Variants in VAV3 observed in about 807,000 individuals in gnomAD.
The protein encoded by VAV3 is vav guanine nucleotide exchange factor 3, also known as guanine nucleotide exchange factor VAV3.
Under a neutral mutation model 131.2 loss-of-function variants are expected in VAV3, and 94 were observed. That is an observed-to-expected ratio of 0.72 (90% CI 0.61 to 0.85). The LOEUF (loss-of-function observed/expected upper bound fraction) is 0.85. Ranked by LOEUF, VAV3 falls within the 40% of genes least tolerant of loss-of-function variation. VAV3 has a pLI of 0.00. For missense variants in VAV3, 939 were observed against 1,002.7 expected, an observed-to-expected ratio of 0.94 and a Z score of 0.86; for synonymous variants, 349 against 342.0, an observed-to-expected ratio of 1.02 and a Z score of -0.22.
chr1:107,906,571 C>T (rs182615837), intron 1 of VAV3, among the ~76,000 whole-genome samples: 12 of 152,126 alleles, frequency 7.9e-5, no homozygotes, highest in African/African-American at 1.4e-4. Flanking sequence ...GAGGCTGAGG[C>T]GGGAGAATGG....
At chr1:107,652,391 C>T (rs996629281) in intron 19 of VAV3, among the ~76,000 whole-genome samples, 9 of 152,144 alleles carry the variant, frequency 5.9e-5, no homozygotes, top group East Asian at 1.9e-4. Flanking sequence ...CCTGGGGCTG[C>T]GCTGTCTATG....
chr1:107,574,060 TCTC>T lies in VAV3; in HGVS notation c.2486_2488del (p.Gly829del), dbSNP rs758563040. On this transcript the variant is annotated inframe_deletion, in exon 26 of 27. Coordinates refer to ENST00000370056, the MANE Select transcript of VAV3 (RefSeq NM_006113.5). ...GGGCCAACTTACCCTGCCATTTACT[TCTC>T]CTCTCCACCAGCCATTTGCACTCAT... 4 of 1,614,032 alleles carry T rather than the reference TCTC, an allele frequency of 2.5e-6. No individual in the cohort carries two copies. The highest frequency in any genetic ancestry group is 2.2e-5 in the East Asian group (1 of 44,878).
At chr1:107,849,250 A>G (rs1233677497) in intron 2 of VAV3, among the ~76,000 whole-genome samples, 2 of 152,120 alleles carry the variant, frequency 1.3e-5, no homozygotes, top group Non-Finnish European at 1.5e-5. Context: ...ACCAAAAAAA[A>G]AAAAAAGTCT....
chr1:107,936,756 A>G (rs1673729764), intron 1 of VAV3, among the ~76,000 whole-genome samples: 1 of 152,164 alleles, frequency 6.6e-6, no homozygotes, highest in Admixed American at 6.5e-5. Context: ...AGTTGTCAGG[A>G]CCATAAGGAT....
At chr1:107,823,030 T>G (rs567689578) in intron 2 of VAV3, among the ~76,000 whole-genome samples, 41 of 152,286 alleles carry the variant, frequency 2.7e-4, no homozygotes, top group African/African-American at 9.6e-4. Context: ...GGGAAGACTG[T>G]GGGAATGGAT....
At chr1:107,745,168 G>A (rs1161545575) in intron 15 of VAV3, among the ~76,000 whole-genome samples, 1 of 151,966 alleles carries the variant, frequency 6.6e-6, no homozygotes, top group Non-Finnish European at 1.5e-5. Flanking sequence ...ATGACTAAAT[G>A]GAATTGTGAG....
intron 7 of VAV3, 133 bp from the exon 8 acceptor site, chr1:107,766,683 C>T: frequency 1.5e-6 from 1 of 675,896 alleles, no homozygotes; most frequent in East Asian, 2.8e-5. Context: ...AAAACTGCTT[C>T]CACCAATAAA....
chr1:107,933,689 C>A (rs1673571259), intron 1 of VAV3, among the ~76,000 whole-genome samples: 1 of 151,596 alleles, frequency 6.6e-6, no homozygotes, highest in African/African-American at 2.4e-5. Context: ...ATGACACACA[C>A]CCAGTAGTTC....
Position 107,818,499 on chromosome 1 carries a change from G to T in VAV3, c.322-39007C>A, listed in dbSNP as rs138864739. Among the ~76,000 whole-genome samples the T allele has an allele frequency of 5.3e-5, 8 of 152,220 alleles. No homozygotes were observed. In the East Asian group the frequency reaches 1.5e-3, roughly 29 times the overall value. The stretch of plus-strand genomic sequence containing the variant: ...GAAAGGAGGGGAAAGGAAGGGAAAG[G>T]AGGGAGGAACACATATTAGAAAAAC... On this transcript the variant is annotated intron_variant, in intron 2 of 26. Transcript: ENST00000370056.
chr1:107,744,121 C>G (rs1663182859), intron 15 of VAV3, among the ~76,000 whole-genome samples: 1 of 152,192 alleles, frequency 6.6e-6, no homozygotes, highest in Non-Finnish European at 1.5e-5. Context: ...CTCCGGATGA[C>G]CAACAGGATA....
chr1:107,690,040 G>A (rs540058499), intron 17 of VAV3, among the ~76,000 whole-genome samples: 1 of 152,282 alleles, frequency 6.6e-6, no homozygotes, highest in South Asian at 2.1e-4. Flanking sequence ...TCCATCCAAG[G>A]AGATTGAGGA....
At chr1:107,592,444 C>T (rs1443270190) in intron 25 of VAV3, among the ~76,000 whole-genome samples, 1 of 152,034 alleles carries the variant, frequency 6.6e-6, no homozygotes, top group Non-Finnish European at 1.5e-5. Context: ...TAAGTTCTTA[C>T]AGAAGATACT....
chr1:107,632,779 C>T (rs529904574), intron 20 of VAV3, among the ~76,000 whole-genome samples: 8 of 152,336 alleles, frequency 5.3e-5, no homozygotes, highest in Non-Finnish European at 1.2e-4. Flanking sequence ...TACTTGCTAT[C>T]TGAAATAAAT....
At chr1:107,945,794 C>T (rs1368828295) in intron 1 of VAV3, among the ~76,000 whole-genome samples, 1 of 140,050 alleles carries the variant, frequency 7.1e-6, no homozygotes, top group Non-Finnish European at 1.5e-5. Context: ...TACACTCCAG[C>T]TTGAGCGACA....
At chr1:107,678,627 G>T (rs1446246139) in intron 19 of VAV3, among the ~76,000 whole-genome samples, 1 of 151,940 alleles carries the variant, frequency 6.6e-6, no homozygotes, top group Non-Finnish European at 1.5e-5. Flanking sequence ...CAACAATTCT[G>T]TTTAGACTTG....
chr1:107,814,166 C>G lies in VAV3; in HGVS notation c.322-34674G>C, dbSNP rs1000916444. 2.6e-5 allele frequency among the ~76,000 whole-genome samples: 4 copies of G among 152,020 alleles called. No individual in the cohort carries two copies. The East Asian group carries it at 5.8e-4, about 22-fold the overall frequency. On this transcript the variant is annotated intron_variant, in intron 2 of 26. Coordinates refer to ENST00000370056, the MANE Select transcript of VAV3 (RefSeq NM_006113.5). ...TTTTTTTCTTTCCTTTGAATAAATACCCAGTCAGTAGCGAAAACTGCTGGA... is the reference window on the plus strand; with the variant it reads ...TTTTTTTCTTTCCTTTGAATAAATAGCCAGTCAGTAGCGAAAACTGCTGGA...
chr1:107,633,710 G>C (rs1030587987), intron 20 of VAV3, among the ~76,000 whole-genome samples: 2 of 152,070 alleles, frequency 1.3e-5, no homozygotes, highest in Non-Finnish European at 2.9e-5. Flanking sequence ...GGCTTAAGAA[G>C]GTCCAGCAGT....
intron 19 of VAV3, chr1:107,669,583 G>C: frequency 2.2e-5 from 25 of 1,148,946 alleles, no homozygotes; most frequent in Non-Finnish European, 2.6e-5. Context: ...AATAAAGGTA[G>C]ACTAGAGCCT....
chr1:107,958,076 G>C (rs780573139), intron 1 of VAV3, among the ~76,000 whole-genome samples: 3 of 152,120 alleles, frequency 2.0e-5, no homozygotes, highest in Non-Finnish European at 4.4e-5. Context: ...TACATGAAAA[G>C]ATCCTGATTG....
Sources: gnomAD v4.1 joint callset for allele counts (sites outside exome capture counted in the v4.1 genomes callset) on GRCh38, gnomAD v4.1.1 for gene constraint, MANE v1.5 for transcripts, NCBI Gene and HGNC (gene_info 2026-07-23, HGNC 2026-07-21) for gene names.